CCDC102B: variants seen among roughly 807,000 people sequenced by gnomAD.
CCDC102B encodes coiled-coil domain containing 102B, also known as coiled-coil domain-containing protein 102B.
Under a neutral mutation model 57.4 loss-of-function variants are expected in CCDC102B, and 75 were observed. That is an observed-to-expected ratio of 1.31 (90% CI 1.08 to 1.58). The LOEUF (loss-of-function observed/expected upper bound fraction) is 1.58, where lower values mean the gene tolerates loss of function less well. Ranked by LOEUF, CCDC102B falls within the 40% of genes most tolerant of loss-of-function variation. The pLI, the probability that CCDC102B is intolerant of heterozygous loss-of-function variation, is 0.00. For missense variants in CCDC102B, 636 were observed against 582.6 expected, an observed-to-expected ratio of 1.09 and a Z score of -0.94; for synonymous variants, 206 against 201.9, an observed-to-expected ratio of 1.02 and a Z score of -0.17.
intron 6 of CCDC102B, among the ~76,000 whole-genome samples, chr18:68,972,650 G>T (rs1015605308): frequency 6.6e-5 from 10 of 152,008 alleles, no homozygotes; most frequent in Admixed American, 1.3e-4. Flanking sequence ...TTTAGTTTTA[G>T]GAATCTGCAC....
intron 3 of CCDC102B, among the ~76,000 whole-genome samples, chr18:68,845,242 A>G (rs1392352487): frequency 2.0e-5 from 3 of 151,904 alleles, no homozygotes; most frequent in Admixed American, 2.0e-4. Flanking sequence ...TATGTAAATG[A>G]CATTCAATAT....
intron 3 of CCDC102B, among the ~76,000 whole-genome samples, chr18:68,841,815 C>G (rs548464138): frequency 6.6e-6 from 1 of 152,296 alleles, no homozygotes; most frequent in African/African-American, 2.4e-5. Context: ...TCACTGCAAT[C>G]TCAGCCTCCT....
intron 4 of CCDC102B, 123 bp downstream of exon 4, chr18:68,846,544 C>T (rs979479625): frequency 3.7e-6 from 2 of 534,298 alleles, no homozygotes; most frequent in Non-Finnish European, 6.5e-6. Flanking sequence ...TTGGAATTTC[C>T]TCTATAAGAG....
At chr18:68,736,052 C>T (rs1359158208) in intron 2 of CCDC102B, among the ~76,000 whole-genome samples, 2 of 152,112 alleles carry the variant, frequency 1.3e-5, no homozygotes, top group African/African-American at 4.8e-5. Flanking sequence ...TATCATATGC[C>T]AAATATCATA....
intron 3 of CCDC102B, among the ~76,000 whole-genome samples, chr18:68,842,853 A>T (rs1372825572): frequency 6.6e-6 from 1 of 152,134 alleles, no homozygotes; most frequent in Non-Finnish European, 1.5e-5. Flanking sequence ...TTTCCGCTCA[A>T]ATTTGCTAAT....
intron 6 of CCDC102B, among the ~76,000 whole-genome samples, chr18:68,898,290 T>G (rs1052743564): frequency 1.3e-5 from 2 of 152,146 alleles, no homozygotes; most frequent in African/African-American, 2.4e-5. Flanking sequence ...CATACTCACA[T>G]AAGCTCTAAA....
intron 6 of CCDC102B, among the ~76,000 whole-genome samples, chr18:68,980,845 C>T (rs927949135): frequency 2.0e-5 from 3 of 151,974 alleles, no homozygotes; most frequent in African/African-American, 7.2e-5. Context: ...ACGTGTAGGA[C>T]ATCGTATGGA....
chr18:68,742,459 A>G (rs2033433472), intron 2 of CCDC102B, among the ~76,000 whole-genome samples: 1 of 152,226 alleles, frequency 6.6e-6, no homozygotes, highest in African/African-American at 2.4e-5. Flanking sequence ...GTCAGCATAT[A>G]TTTTGGGGAT....
chr18:68,951,350 G>A (rs2049692750), intron 6 of CCDC102B, among the ~76,000 whole-genome samples: 1 of 152,084 alleles, frequency 6.6e-6, no homozygotes, highest in African/African-American at 2.4e-5. Context: ...CTTCAGATTT[G>A]CACTTATACA....
intron 6 of CCDC102B, among the ~76,000 whole-genome samples, chr18:68,921,889 C>G (rs1338304439): frequency 6.6e-6 from 1 of 152,138 alleles, no homozygotes; most frequent in Non-Finnish European, 1.5e-5. Flanking sequence ...ATTGTTTAAA[C>G]CATTGTTAGT....
chr18:68,795,025 TAA>T (rs5825874), upstream of CCDC102B, among the ~76,000 whole-genome samples: 183 of 134,504 alleles, frequency 1.4e-3, no homozygotes, highest in East Asian at 6.1e-3. Flanking sequence ...AACTCGCCAG[TAA>T]AAAAAAAAAA....
chr18:68,726,327 A>C (rs2032592719), intron 2 of CCDC102B, among the ~76,000 whole-genome samples: 1 of 152,220 alleles, frequency 6.6e-6, no homozygotes, highest in Non-Finnish European at 1.5e-5. Context: ...AATAAATTTG[A>C]AATGCTAACT....
upstream of CCDC102B, among the ~76,000 whole-genome samples, chr18:68,797,400 C>G (rs994046268): frequency 1.3e-5 from 2 of 151,972 alleles, no homozygotes; most frequent in Admixed American, 6.6e-5. Context: ...CAGAGAAGCT[C>G]TTTTTTATGT....
intron 1 of CCDC102B, among the ~76,000 whole-genome samples, chr18:68,807,975 G>A (rs1335219011): frequency 6.6e-6 from 1 of 152,070 alleles, no homozygotes; most frequent in Non-Finnish European, 1.5e-5. Flanking sequence ...GTTTCACTAG[G>A]ATTTGAGCAA....
chr18:68,888,807 G>C (rs991627079), intron 5 of CCDC102B, among the ~76,000 whole-genome samples: 3 of 152,130 alleles, frequency 2.0e-5, no homozygotes, highest in African/African-American at 7.2e-5. Flanking sequence ...TGGACTGCCA[G>C]CTTTCTCCAA....
chr18:68,886,883 T>G (rs961279624), intron 5 of CCDC102B, among the ~76,000 whole-genome samples: 22 of 152,098 alleles, frequency 1.4e-4, no homozygotes, highest in African/African-American at 4.3e-4. Flanking sequence ...CTATATTCCT[T>G]TAATAATCTG....
chr18:68,803,422 A>G (rs994333125), intron 1 of CCDC102B, among the ~76,000 whole-genome samples: 8 of 152,344 alleles, frequency 5.3e-5, no homozygotes, highest in African/African-American at 1.7e-4. Flanking sequence ...CATTCAGGCT[A>G]AAAGGGAATA....
intron 2 of CCDC102B, among the ~76,000 whole-genome samples, chr18:68,748,302 C>T (rs1033718936): frequency 6.7e-5 from 10 of 149,900 alleles, no homozygotes; most frequent in Non-Finnish European, 1.5e-4. Context: ...TGGATATTAA[C>T]CCCTTGTCTG....
rs541255205 is a variant in CCDC102B at position 68,822,266 on chromosome 18, C to T, written c.-15-14483C>T. On this transcript the variant is annotated intron_variant, in intron 1 of 7. Coordinates refer to ENST00000360242, the MANE Select transcript of CCDC102B (RefSeq NM_024781.3). ...AAAATTAGCTGGTCACAGTGGGGCA[C>T]GCCTGTAGTCCCAGGTACTCAGGAT... is the stretch of plus-strand genomic sequence containing the variant. Among the ~76,000 whole-genome samples, 8 of 152,042 alleles carry T rather than the reference C, an allele frequency of 5.3e-5. No individual in the cohort carries two copies. In the South Asian group the frequency reaches 8.3e-4, roughly 16 times the overall value.
Sources: allele counts gnomAD v4.1 joint callset (sites outside exome capture counted in the v4.1 genomes callset), GRCh38; gene constraint gnomAD v4.1.1; transcripts MANE v1.5; gene names NCBI Gene and HGNC (gene_info 2026-07-23, HGNC 2026-07-21).